Variants in UBAC2 observed in about 807,000 individuals in gnomAD.
The protein encoded by UBAC2 is UBA domain containing 2, also known as ubiquitin-associated domain-containing protein 2.
Under a neutral mutation model 44.0 loss-of-function variants are expected in UBAC2, and 26 were observed. That is an observed-to-expected ratio of 0.59 (90% CI 0.43 to 0.82). The LOEUF (loss-of-function observed/expected upper bound fraction) is 0.82, where lower values mean the gene tolerates loss of function less well. UBAC2 is among the 40% of genes least tolerant of loss of function. The probability of loss-of-function intolerance (pLI) is 0.00; values close to 1 mark genes in which losing one functional copy is unlikely to be tolerated. For synonymous variants in UBAC2, 155 were observed against 154.3 expected (o/e 1.00, Z -0.04); for missense variants, 329 against 419.4 (o/e 0.78, Z 1.88).
In UBAC2 at chr13:99,371,155, G is replaced by GT. The variant is rs765816111; in HGVS notation, c.927+3260dup. Among the ~76,000 whole-genome samples the GT allele has an allele frequency of 6.8e-3, 979 of 144,052 alleles. 6 individuals carry two copies. Among genetic ancestry groups the GT allele is most frequent in the Non-Finnish European group, 0.01 (679 of 65,210 alleles). The allele number at this position is 144,052 out of a possible 152,430, so 94.5% of individuals were successfully genotyped here. ...GTGTGTGATTGAAGTCTTCAGGGTT[G>GT]TTTTTTTTTTTGTTTAATGAGTCAT... On this transcript the variant is annotated intron_variant, in intron 8 of 8. Coordinates refer to ENST00000403766, the MANE Select transcript of UBAC2 (RefSeq NM_001144072.2).
At chr13:99,275,943 G>A (rs2043876335) in intron 4 of UBAC2, among the ~76,000 whole-genome samples, 1 of 152,138 alleles carries the variant, frequency 6.6e-6, no homozygotes, top group Admixed American at 6.5e-5. Context: ...AGATTCCCCA[G>A]ATCATACTCT....
chr13:99,342,919 A>T (rs1274437420), intron 7 of UBAC2, among the ~76,000 whole-genome samples: 1 of 152,198 alleles, frequency 6.6e-6, no homozygotes, highest in Non-Finnish European at 1.5e-5. Flanking sequence ...TTGAGCCATC[A>T]TGCAGCCGTT....
chr13:99,361,557 A>G (rs1323752496), intron 7 of UBAC2, among the ~76,000 whole-genome samples: 1 of 152,120 alleles, frequency 6.6e-6, no homozygotes, highest in Non-Finnish European at 1.5e-5. Context: ...GTGCCTTTGC[A>G]TGTTTTTGTA....
chr13:99,291,082 T>A (rs72648100), intron 4 of UBAC2, among the ~76,000 whole-genome samples: 20,839 of 151,760 alleles, frequency 0.14, 1,669 homozygotes, highest in East Asian at 0.32. Context: ...GACCGGAGAG[T>A]GTGGGATTAA....
chr13:99,370,203 G>A (rs1473680809), intron 8 of UBAC2, among the ~76,000 whole-genome samples: 1 of 152,144 alleles, frequency 6.6e-6, no homozygotes, highest in Non-Finnish European at 1.5e-5. Context: ...AAGGAAAACG[G>A]CACCATGATG....
At chr13:99,299,270 G>A (rs1419884186) in intron 4 of UBAC2, among the ~76,000 whole-genome samples, 1 of 152,188 alleles carries the variant, frequency 6.6e-6, no homozygotes, top group Non-Finnish European at 1.5e-5. Context: ...CCTTCATTAG[G>A]GGATTAAATA....
chr13:99,332,800 C>T (rs2044734787), intron 6 of UBAC2, among the ~76,000 whole-genome samples: 1 of 152,232 alleles, frequency 6.6e-6, no homozygotes, highest in South Asian at 2.1e-4. Context: ...TGCTCTTTGG[C>T]TTACCCAGGT....
rs535798105 is a variant in UBAC2 at position 99,363,215 on chromosome 13, A to C, written c.808-4572A>C. Among the ~76,000 whole-genome samples, 8 of 152,312 alleles carry C rather than the reference A, an allele frequency of 5.3e-5. 1 individual carries two copies. The South Asian group carries it at 1.7e-3, about 32-fold the overall frequency. ...TTGGATTTTTTGCCTAACTTCCACTAATACCACATGACTTTAATTACTGCA... is the reference window on the plus strand; with the variant it reads ...TTGGATTTTTTGCCTAACTTCCACTCATACCACATGACTTTAATTACTGCA... On this transcript the variant is annotated intron_variant, in intron 7 of 8. Transcript: ENST00000403766.
chr13:99,244,435 G>T, intron 3 of UBAC2, 80 bp from the exon 4 acceptor site: 1 of 926,856 alleles, frequency 1.1e-6, no homozygotes, highest in East Asian at 2.7e-5. Context: ...ACACACCTCT[G>T]AGCTGATTCT....
At chr13:99,378,387 C>T (rs539666487) in intron 8 of UBAC2, among the ~76,000 whole-genome samples, 2 of 152,210 alleles carry the variant, frequency 1.3e-5, no homozygotes, top group Admixed American at 1.3e-4. Context: ...ATTAGCCAGG[C>T]ATGGTGGCAC....
At chr13:99,330,580 A>G (rs949087668) in intron 6 of UBAC2, among the ~76,000 whole-genome samples, 1 of 151,676 alleles carries the variant, frequency 6.6e-6, no homozygotes, top group Non-Finnish European at 1.5e-5. Flanking sequence ...AGTTTTCAAC[A>G]TAGGTGGTCT....
At chr13:99,331,754 A>G (rs555423817) in intron 6 of UBAC2, among the ~76,000 whole-genome samples, 2 of 152,356 alleles carry the variant, frequency 1.3e-5, no homozygotes, top group South Asian at 4.1e-4. Flanking sequence ...GGGGTAATAA[A>G]TTAGGGAATG....
intron 1 of UBAC2, chr13:99,234,319 G>T: frequency 3.1e-6 from 1 of 326,418 alleles, no homozygotes; most frequent in Non-Finnish European, 6.5e-6. Flanking sequence ...AGCTTCCCAA[G>T]TGGGATTATA....
intron 6 of UBAC2, among the ~76,000 whole-genome samples, chr13:99,324,652 T>G (rs746531773): frequency 2.3e-4 from 35 of 152,226 alleles, no homozygotes; most frequent in Non-Finnish European, 3.8e-4. Context: ...CTACGGAATA[T>G]TCTCCCTATT....
intron 4 of UBAC2, among the ~76,000 whole-genome samples, chr13:99,276,259 A>G (rs1032852459): frequency 2.0e-5 from 3 of 152,152 alleles, no homozygotes; most frequent in Non-Finnish European, 4.4e-5. Flanking sequence ...ATCAGATCCT[A>G]CAAGTCAAAG....
rs149245745 is a variant in UBAC2 at position 99,267,650 on chromosome 13, A to G, written c.389+23026A>G. 5.9e-5 allele frequency among the ~76,000 whole-genome samples: 9 copies of G among 152,334 alleles called. No individual in the cohort carries two copies. In the East Asian group the frequency reaches 1.5e-3, roughly 26 times the overall value. ...TACTGCTGCTTTCTTATGCTCTGAA[A>G]GGTATCTGCCTTTATTATTATAGTC... On this transcript the variant is annotated intron_variant, in intron 4 of 8. Coordinates refer to ENST00000403766, the MANE Select transcript of UBAC2 (RefSeq NM_001144072.2).
In UBAC2 at chr13:99,318,211, A is replaced by G. The variant is rs965573489; in HGVS notation, c.561+142A>G. On this transcript the variant is annotated intron_variant, in intron 6 of 8. Transcript: ENST00000403766. ...AGACAGAATTTCACTCTTGTTGCCCAGGCTGGAGTGCAATGGCTCGATCTC... is the reference window on the plus strand; with the variant it reads ...AGACAGAATTTCACTCTTGTTGCCCGGGCTGGAGTGCAATGGCTCGATCTC... 3.1e-5 allele frequency: 26 copies of G among 852,338 alleles called. No homozygotes were observed. The Admixed American group carries it at 5.5e-4, about 18-fold the overall frequency. The allele number at this position is 852,338 out of a possible 1,614,324, so 52.8% of individuals were successfully genotyped here. A position where few individuals can be genotyped will look rare whatever the true frequency, so the allele number is the denominator to read the frequency against.
At chr13:99,234,028 C>G (rs1349106357) in intron 1 of UBAC2, among the ~76,000 whole-genome samples, 1 of 151,914 alleles carries the variant, frequency 6.6e-6, no homozygotes, top group Non-Finnish European at 1.5e-5. Flanking sequence ...GAAAACAGAG[C>G]TCCCATACAA....
In UBAC2 at chr13:99,244,583, T is replaced by C; in HGVS notation, c.348T>C (p.Tyr116=). The change falls in exon 4 of 9, where the codon TAT becomes TAC. Residue 116 remains tyrosine (Y), a synonymous_variant. Transcript: ENST00000403766. ...FDFLLIEAMQ[Y]FFGITAASNL... is the part of the protein sequence containing the mutation. Reference sequence around the variant, plus strand: ...TTCTCCTCATTGAAGCTATGCAGTATTTCTTTGGCATCACTGCAGCTAGTA... The same window carrying C: ...TTCTCCTCATTGAAGCTATGCAGTACTTCTTTGGCATCACTGCAGCTAGTA... 3.7e-6 allele frequency: 6 copies of C among 1,613,392 alleles called. No individual in the cohort carries two copies. Among genetic ancestry groups the C allele is most frequent in the South Asian group, 1.1e-5 (1 of 91,062 alleles).
Sources: gnomAD v4.1 joint callset for allele counts (sites outside exome capture counted in the v4.1 genomes callset) on GRCh38, gnomAD v4.1.1 for gene constraint, MANE v1.5 for transcripts, NCBI Gene and HGNC (gene_info 2026-07-23, HGNC 2026-07-21) for gene names.